LYRM7: variants seen among roughly 807,000 people sequenced by gnomAD.
The protein encoded by LYRM7 is complex III assembly factor LYRM7.
A neutral mutation model predicts 15.8 loss-of-function variants in LYRM7; 9 were observed. That is an observed-to-expected ratio of 0.57 (90% CI 0.34 to 0.99). The LOEUF is 0.99. Among genes scored for constraint, LYRM7 ranks in the 50% least tolerant of loss-of-function variants. The pLI is 0.02. For synonymous variants in LYRM7, 39 were observed against 39.4 expected (o/e 0.99, Z 0.04); for missense variants, 115 against 119.1 (o/e 0.97, Z 0.16).
chr5:131,188,442 G>A (rs1255542985), intron 4 of LYRM7, among the ~76,000 whole-genome samples: 1 of 149,536 alleles, frequency 6.7e-6, no homozygotes, highest in Non-Finnish European at 1.5e-5. Flanking sequence ...TGGCCTTTCT[G>A]ATGGATATGT....
At chr5:131,198,136 C>T (rs1456984748) in intron 4 of LYRM7, among the ~76,000 whole-genome samples, 1 of 151,986 alleles carries the variant, frequency 6.6e-6, no homozygotes, top group Non-Finnish European at 1.5e-5. Context: ...TCTAGATCTC[C>T]TGGAGAAATA....
rs1467512660 is a variant in LYRM7, at chr5:131,200,137, T to C, written c.*536T>C. ...AATATATAATTGTACAGTTTCTTTT[T>C]AGAGATAGAGAGTATCTCTGTGTTC... On this transcript the variant is annotated 3_prime_UTR_variant, in exon 5 of 5. Coordinates refer to ENST00000379380, the MANE Select transcript of LYRM7 (RefSeq NM_181705.4). 2 of 152,382 alleles carry C rather than the reference T, an allele frequency of 1.3e-5. No individual in the cohort carries two copies. Among genetic ancestry groups the C allele is most frequent in the Non-Finnish European group, 2.9e-5 (2 of 68,034 alleles). The allele number at this position is 152,382 out of a possible 1,614,324, so 9.4% of individuals were successfully genotyped here.
chr5:131,194,869 G>A (rs1755938686), intron 4 of LYRM7, among the ~76,000 whole-genome samples: 1 of 152,202 alleles, frequency 6.6e-6, no homozygotes, highest in African/African-American at 2.4e-5. Flanking sequence ...CCTGTTTAAT[G>A]CCTTTCCAGC....
Position 131,187,512 on chromosome 5 carries a change from T to C in LYRM7, c.244+403T>C, listed in dbSNP as rs189585746. 4.3e-3 allele frequency among the ~76,000 whole-genome samples: 645 copies of C among 151,504 alleles called. 6 individuals are homozygous for C. The highest frequency in any genetic ancestry group is 7.7e-3 in the South Asian group (37 of 4,792). On this transcript the variant is annotated intron_variant, in intron 4 of 4. Coordinates refer to ENST00000379380, the MANE Select transcript of LYRM7 (RefSeq NM_181705.4). ...TTTTTTTGGGTTTTTTGAGATGGAGTCTCACTCTGTCGCCCAGGCTGGAGT... is the reference window on the plus strand; with the variant it reads ...TTTTTTTGGGTTTTTTGAGATGGAGCCTCACTCTGTCGCCCAGGCTGGAGT...
chr5:131,184,649 G>GGGGGA (rs1561545594), intron 3 of LYRM7, among the ~76,000 whole-genome samples: 2 of 120,696 alleles, frequency 1.7e-5, no homozygotes, highest in African/African-American at 1.1e-4. Flanking sequence ...GCGGGGGGGG[G>GGGGGA]GTTCCAGGAT....
chr5:131,201,178 G>C lies in LYRM7; in HGVS notation c.*1577G>C, dbSNP rs1756056723. 1.3e-5 allele frequency: 2 copies of C among 151,762 alleles called. No individual in the cohort carries two copies. Among genetic ancestry groups the C allele is most frequent in the African/African-American group, 4.8e-5 (2 of 41,266 alleles). The allele number at this position is 151,762 out of a possible 1,614,324, so 9.4% of individuals were successfully genotyped here. ...AAAACACAAAAATTAGCCAGGTATG[G>C]TGGCGGGCGCCTGTAGTCCCAGCTA... On this transcript the variant is annotated 3_prime_UTR_variant, in exon 5 of 5. Coordinates refer to ENST00000379380, the MANE Select transcript of LYRM7 (RefSeq NM_181705.4).
intron 1 of LYRM7, among the ~76,000 whole-genome samples, chr5:131,176,822 A>G (rs553319842): frequency 4.1e-4 from 63 of 152,020 alleles, no homozygotes; most frequent in African/African-American, 1.3e-3. Context: ...GCAGTATTTG[A>G]TTTTCTGTTT....
At chr5:131,189,558 AT>A (rs1322429556) in intron 4 of LYRM7, among the ~76,000 whole-genome samples, 2 of 144,418 alleles carry the variant, frequency 1.4e-5, no homozygotes, top group Admixed American at 1.4e-4. Flanking sequence ...GTCAAGATTT[AT>A]TTTTTTACAT....
Position 131,170,973 on chromosome 5 carries a change from CG to C in LYRM7, c.-44del. 6.5e-7 allele frequency: 1 copy of C among 1,528,734 alleles called. No homozygotes were observed. Among genetic ancestry groups the C allele is most frequent in the Non-Finnish European group, 8.8e-7 (1 of 1,142,186 alleles). The allele number at this position is 1,528,734 out of a possible 1,614,324, so 94.7% of individuals were successfully genotyped here. ...CAGTCTTTGATTGGTTGCTGAGAGG[CG>C]GGGCTACTCGACTGCTCTGGAGGTA... On this transcript the variant is annotated 5_prime_UTR_variant, in exon 1 of 5. Transcript: ENST00000379380.
Position 131,199,719 on chromosome 5 carries a change from C to T in LYRM7, c.*118C>T, listed in dbSNP as rs1756028000. ...TGGCATATTGAAAATGAATGAATTACAGAATAGCTTCATATTTAAATTTCA... is the reference window on the plus strand; with the variant it reads ...TGGCATATTGAAAATGAATGAATTATAGAATAGCTTCATATTTAAATTTCA... On this transcript the variant is annotated 3_prime_UTR_variant, in exon 5 of 5. Transcript: ENST00000379380. 1.1e-5 allele frequency: 6 copies of T among 554,822 alleles called. No homozygotes were observed. Among genetic ancestry groups the T allele is most frequent in the Non-Finnish European group, 1.9e-5 (6 of 317,960 alleles). The allele number at this position is 554,822 out of a possible 1,614,324, so 34.4% of individuals were successfully genotyped here.
At chr5:131,184,671 ACCT>A (rs1755768098) in intron 3 of LYRM7, among the ~76,000 whole-genome samples, 1 of 149,364 alleles carries the variant, frequency 6.7e-6, no homozygotes, top group Non-Finnish European at 1.5e-5. Flanking sequence ...CATGCAGACC[ACCT>A]CCTCCTCATC....
intron 1 of LYRM7, among the ~76,000 whole-genome samples, chr5:131,171,296 A>C (rs1220695501): frequency 6.6e-6 from 1 of 152,108 alleles, no homozygotes; most frequent in South Asian, 2.1e-4. Flanking sequence ...CCATGATACA[A>C]ATCTGCGACT....
intron 4 of LYRM7, among the ~76,000 whole-genome samples, chr5:131,191,649 G>A (rs759385087): frequency 1.6e-4 from 25 of 151,910 alleles, no homozygotes; most frequent in Admixed American, 1.4e-3. Context: ...GAAAAAATAC[G>A]CAACATCACT....
chr5:131,205,084 A>T lies in LYRM7; in HGVS notation c.*5483A>T, dbSNP rs894557737. The T allele has an allele frequency of 6.6e-6, 1 of 152,328 alleles. No individual in the cohort carries two copies. Among genetic ancestry groups the T allele is most frequent in the Non-Finnish European group, 1.5e-5 (1 of 68,014 alleles). The allele number at this position is 152,328 out of a possible 1,614,324, so 9.4% of individuals were successfully genotyped here. ...CATGAACCTAATTCCCACATTTGAT[A>T]GTTGTTACATTTTGCCATGTTTGTT... On this transcript the variant is annotated 3_prime_UTR_variant, in exon 5 of 5. Transcript: ENST00000379380.
intron 4 of LYRM7, among the ~76,000 whole-genome samples, chr5:131,196,686 G>T (rs1253035250): frequency 6.7e-6 from 1 of 149,564 alleles, no homozygotes. Flanking sequence ...TTTTTTTTCC[G>T]AGATGGAGTC....
intron 2 of LYRM7, 125 bp from the exon 3 acceptor site, chr5:131,182,104 T>C: frequency 1.2e-6 from 1 of 847,536 alleles, no homozygotes; most frequent in South Asian, 1.9e-5. Flanking sequence ...TCTTATGCTT[T>C]GTTTTTCATG....
intron 1 of LYRM7, among the ~76,000 whole-genome samples, chr5:131,173,538 G>T (rs760708670): frequency 3.9e-5 from 6 of 152,190 alleles, no homozygotes; most frequent in Non-Finnish European, 8.8e-5. Context: ...AAGGTCAAGA[G>T]TTCGAGACCC....
Position 131,188,612 on chromosome 5 carries a change from T to C in LYRM7, c.244+1503T>C, listed in dbSNP as rs116412994. Among the ~76,000 whole-genome samples the C allele has an allele frequency of 5.5e-3, 845 of 152,290 alleles. 8 individuals are homozygous for C. Among genetic ancestry groups the C allele is most frequent in the African/African-American group, 0.02 (817 of 41,548 alleles). On this transcript the variant is annotated intron_variant, in intron 4 of 4. Transcript: ENST00000379380. ...TAAGGGGTTGTCTGCCTTTTTATTG[T>C]TGATCTAAAGGATTTCTTTGTATGT...
chr5:131,182,473 C>T (rs1052067171), intron 3 of LYRM7, among the ~76,000 whole-genome samples, 174 bp downstream of exon 3: 3 of 152,002 alleles, frequency 2.0e-5, no homozygotes, highest in Non-Finnish European at 4.4e-5. Flanking sequence ...GCTCATCTGC[C>T]GACACCAAAA....
Sources: allele counts gnomAD v4.1 joint callset (sites outside exome capture counted in the v4.1 genomes callset), GRCh38; gene constraint gnomAD v4.1.1; transcripts MANE v1.5; gene names NCBI Gene and HGNC (gene_info 2026-07-23, HGNC 2026-07-21).